TLE4: variants seen among roughly 807,000 people sequenced by gnomAD.
The protein encoded by TLE4 is TLE family member 4, transcriptional corepressor.
Under a neutral mutation model 92.8 loss-of-function variants are expected in TLE4, and 8 were observed. The observed-to-expected ratio is 0.09, with a 90% CI of 0.05 to 0.16. The LOEUF (loss-of-function observed/expected upper bound fraction) is 0.16. TLE4 is among the 10% of genes least tolerant of loss of function. TLE4 has a pLI of 1.00. For missense variants in TLE4, 675 were observed against 997.6 expected (o/e 0.68, Z 4.36); for synonymous variants, 371 against 374.1 (o/e 0.99, Z 0.10).
intron 4 of TLE4, among the ~76,000 whole-genome samples, chr9:79,606,593 T>C (rs1369025783): frequency 6.6e-6 from 1 of 152,054 alleles, no homozygotes; most frequent in Non-Finnish European, 1.5e-5. Context: ...GTTCTCATTG[T>C]TCAGTTCCCA....
chr9:79,698,957 C>T (rs1199617217), intron 8 of TLE4, among the ~76,000 whole-genome samples: 1 of 150,800 alleles, frequency 6.6e-6, no homozygotes, highest in African/African-American at 2.4e-5. Flanking sequence ...TTATAAAGAG[C>T]TCAATGAATG....
chr9:79,669,895 G>A (rs1367430915), intron 8 of TLE4, among the ~76,000 whole-genome samples: 2 of 152,092 alleles, frequency 1.3e-5, no homozygotes, highest in African/African-American at 4.8e-5. Flanking sequence ...ACATGGCTGT[G>A]CTCCACTCAA....
chr9:79,677,317 G>A (rs997404563), intron 8 of TLE4, among the ~76,000 whole-genome samples: 3 of 152,026 alleles, frequency 2.0e-5, no homozygotes, highest in Non-Finnish European at 4.4e-5. Flanking sequence ...TTAGTTCGTG[G>A]CCTCTGTATG....
chr9:79,694,140 G>A (rs956947315), intron 8 of TLE4, among the ~76,000 whole-genome samples: 10 of 152,218 alleles, frequency 6.6e-5, no homozygotes, highest in South Asian at 6.2e-4. Flanking sequence ...TGTGGAGAAC[G>A]GAAAAGAGAG....
Position 79,706,874 on chromosome 9 carries a change from C to G in TLE4, c.911C>G (p.Ser304Cys). 6.2e-7 allele frequency: 1 copy of G among 1,614,184 alleles called. No homozygotes were observed. Among genetic ancestry groups the G allele is most frequent in the Non-Finnish European group, 8.5e-7 (1 of 1,180,032 alleles). ...ATTGCATCTTCCAGCAGTACTCCCT[C>G]CTCCAAATCCAAAGAACTTAGCCTT... is the stretch of plus-strand genomic sequence containing the variant. ...ASIASSSSTP[S>C]SKSKELSLNE... Residue 304 changes from serine to cysteine, a missense_variant, in exon 11 of 20, where the codon TCC becomes TGC. Coordinates refer to ENST00000376552, the MANE Select transcript of TLE4 (RefSeq NM_007005.6).
intron 7 of TLE4, 96 bp from the exon 8 acceptor site, chr9:79,653,963 T>G (rs754397577): frequency 7.3e-7 from 1 of 1,365,690 alleles, no homozygotes; most frequent in Non-Finnish European, 1.0e-6. Context: ...AGATCAAGTT[T>G]GATAAATCAG....
intron 8 of TLE4, among the ~76,000 whole-genome samples, chr9:79,686,774 T>C (rs545430422): frequency 6.6e-6 from 1 of 152,308 alleles, no homozygotes; most frequent in East Asian, 1.9e-4. Flanking sequence ...AAGAAATAAA[T>C]GTCTGTTGCT....
At chr9:79,586,939 T>A (rs985721151) in intron 4 of TLE4, among the ~76,000 whole-genome samples, 1 of 152,206 alleles carries the variant, frequency 6.6e-6, no homozygotes, top group African/African-American at 2.4e-5. Flanking sequence ...CTCAAGCATT[T>A]CCCTTTTTTT....
chr9:79,597,135 A>G (rs1037920476), intron 4 of TLE4, among the ~76,000 whole-genome samples: 1 of 152,116 alleles, frequency 6.6e-6, no homozygotes, highest in Non-Finnish European at 1.5e-5. Flanking sequence ...GTGAAGCCAC[A>G]TAGTCTGCTA....
chr9:79,684,383 G>A (rs1034714954), intron 8 of TLE4, among the ~76,000 whole-genome samples: 22 of 152,132 alleles, frequency 1.4e-4, no homozygotes, highest in Non-Finnish European at 1.8e-4. Context: ...GCGGCTGAGT[G>A]AGCATTACCA....
intron 8 of TLE4, among the ~76,000 whole-genome samples, chr9:79,661,486 A>G (rs1456793566): frequency 2.0e-5 from 3 of 152,210 alleles, no homozygotes; most frequent in East Asian, 3.9e-4. Flanking sequence ...GATTACTGCC[A>G]TGGCAACTGC....
intron 8 of TLE4, among the ~76,000 whole-genome samples, chr9:79,656,751 TAC>T (rs1393548128): frequency 6.6e-6 from 1 of 152,248 alleles, no homozygotes; most frequent in Non-Finnish European, 1.5e-5. Flanking sequence ...TTCTTGACGT[TAC>T]AGATTGTTAA....
At chr9:79,700,337 A>G (rs1383957253) in intron 8 of TLE4, among the ~76,000 whole-genome samples, 1 of 152,268 alleles carries the variant, frequency 6.6e-6, no homozygotes, top group Admixed American at 6.5e-5. Context: ...TAATTATAAC[A>G]ACAGCATCTT....
chr9:79,597,643 C>G (rs2044358884), intron 4 of TLE4, among the ~76,000 whole-genome samples: 1 of 152,156 alleles, frequency 6.6e-6, no homozygotes, highest in Non-Finnish European at 1.5e-5. Flanking sequence ...CCCAATTTCT[C>G]AAGCCAGAAA....
chr9:79,670,011 A>G (rs186048440), intron 8 of TLE4, among the ~76,000 whole-genome samples: 46 of 152,286 alleles, frequency 3.0e-4, no homozygotes, highest in Non-Finnish European at 5.3e-4. Context: ...GTTCATGAGG[A>G]AGAAACCCCT....
At chr9:79,578,522 A>G (rs2038652787) in intron 4 of TLE4, among the ~76,000 whole-genome samples, 1 of 152,208 alleles carries the variant, frequency 6.6e-6, no homozygotes, top group South Asian at 2.1e-4. Context: ...ATAAAAAGAT[A>G]AAAGTATGAA....
chr9:79,655,259 A>G (rs1386635824), intron 8 of TLE4, among the ~76,000 whole-genome samples: 2 of 152,230 alleles, frequency 1.3e-5, no homozygotes, highest in East Asian at 3.9e-4. Context: ...GTTCTCAACC[A>G]TTGGCCGAGG....
At chr9:79,588,022 G>A (rs1034638530) in intron 4 of TLE4, among the ~76,000 whole-genome samples, 1 of 152,196 alleles carries the variant, frequency 6.6e-6, no homozygotes, top group African/African-American at 2.4e-5. Flanking sequence ...GTAGGTTACA[G>A]AGTAGGGGTG....
chr9:79,584,187 T>C (rs1564140511), intron 4 of TLE4, among the ~76,000 whole-genome samples: 2 of 152,212 alleles, frequency 1.3e-5, no homozygotes, highest in African/African-American at 4.8e-5. Context: ...ATAACATGCT[T>C]GTTTCTATGA....
Sources: allele counts gnomAD v4.1 joint callset (sites outside exome capture counted in the v4.1 genomes callset), GRCh38; gene constraint gnomAD v4.1.1; transcripts MANE v1.5; gene names NCBI Gene and HGNC (gene_info 2026-07-23, HGNC 2026-07-21).